STXBP5L: variants seen among roughly 807,000 people sequenced by gnomAD.
The protein encoded by STXBP5L is syntaxin-binding protein 5-like.
A neutral mutation model predicts 144.5 loss-of-function variants in STXBP5L; 65 were observed. The observed-to-expected ratio is 0.45, with a 90% CI of 0.37 to 0.55. STXBP5L has a LOEUF of 0.55. STXBP5L is among the 20% of genes least tolerant of loss of function. The probability of loss-of-function intolerance (pLI) is 0.00; values close to 1 mark genes in which losing one functional copy is unlikely to be tolerated. For missense variants in STXBP5L, 1,298 were observed against 1,405.5 expected (o/e 0.92, Z 1.22); for synonymous variants, 505 against 469.6 (o/e 1.08, Z -0.97).
In STXBP5L at chr3:121,378,984, G is replaced by A. The variant is rs553759654; in HGVS notation, c.2347+98G>A. 3.2e-5 allele frequency: 41 copies of A among 1,270,556 alleles called. No individual in the cohort carries two copies. In the South Asian group the frequency reaches 6.0e-4, roughly 19 times the overall value. The allele number at this position is 1,270,556 out of a possible 1,614,324, so 78.7% of individuals were successfully genotyped here. On this transcript the variant is annotated intron_variant, in intron 21 of 26. Transcript: ENST00000471454. ...GGGATGGAGATCACATATGAAAGAT[G>A]TTAAAAAACTACTAATCAGTGAATA...
rs115919356 is a variant in STXBP5L at position 121,065,206 on chromosome 3, G to C, written c.470+19671G>C. On this transcript the variant is annotated intron_variant, in intron 5 of 26. Coordinates refer to ENST00000471454, the MANE Select transcript of STXBP5L (RefSeq NM_001308330.2). ...GAATACTGCTGTACTAAACATATGA[G>C]GGCAGATGACATTTTGGTAGAATGA... Among the ~76,000 whole-genome samples the C allele has an allele frequency of 7.9e-3, 1,202 of 152,174 alleles. 20 individuals are homozygous for C. The highest frequency in any genetic ancestry group is 0.027 in the African/African-American group (1,124 of 41,520).
At chr3:121,082,432 G>T (rs2042293905) in intron 5 of STXBP5L, among the ~76,000 whole-genome samples, 1 of 151,978 alleles carries the variant, frequency 6.6e-6, no homozygotes, top group Non-Finnish European at 1.5e-5. Flanking sequence ...ATTAATTTTT[G>T]TTGACTTTGT....
chr3:121,294,392 G>T (rs2051565967), intron 19 of STXBP5L, among the ~76,000 whole-genome samples: 1 of 152,206 alleles, frequency 6.6e-6, no homozygotes, highest in South Asian at 2.1e-4. Flanking sequence ...CTTGAGATAG[G>T]AGGGGGCATG....
intron 3 of STXBP5L, among the ~76,000 whole-genome samples, chr3:121,016,358 A>G (rs73187415): frequency 1.3e-5 from 2 of 152,330 alleles, no homozygotes; most frequent in Non-Finnish European, 2.9e-5. Flanking sequence ...ATTAGACAAA[A>G]TGTATACAGG....
chr3:121,080,107 G>A (rs1157859544), intron 5 of STXBP5L, among the ~76,000 whole-genome samples: 1 of 151,824 alleles, frequency 6.6e-6, no homozygotes, highest in East Asian at 1.9e-4. Context: ...AACTGTTATT[G>A]TTTTAAAGTC....
At chr3:121,152,945 C>A (rs2045981656) in intron 8 of STXBP5L, among the ~76,000 whole-genome samples, 1 of 152,064 alleles carries the variant, frequency 6.6e-6, no homozygotes, top group South Asian at 2.1e-4. Flanking sequence ...TCTAAAGACA[C>A]TATTCACACC....
rs181407254 is a variant in STXBP5L, at chr3:121,045,819, A to T, written c.470+284A>T. Among the ~76,000 whole-genome samples, 357 of 150,492 alleles carry T rather than the reference A, an allele frequency of 2.4e-3. 5 individuals are homozygous for T. Among genetic ancestry groups the T allele is most frequent in the African/African-American group, 8.3e-3 (342 of 41,154 alleles). ...ATTATCTTCAAAGAGAGATAATTTG[A>T]CTTCCTTTCTTCCTATTAATATTTA... On this transcript the variant is annotated intron_variant, in intron 5 of 26. Transcript: ENST00000471454.
intron 7 of STXBP5L, among the ~76,000 whole-genome samples, chr3:121,129,872 G>A (rs1021547056): frequency 2.6e-5 from 4 of 151,950 alleles, no homozygotes; most frequent in South Asian, 2.1e-4. Flanking sequence ...AGATCCAGGG[G>A]CCTGTACCAG....
intron 20 of STXBP5L, among the ~76,000 whole-genome samples, chr3:121,345,986 G>T (rs2108596271): frequency 6.6e-6 from 1 of 151,504 alleles, no homozygotes; most frequent in Non-Finnish European, 1.5e-5. Context: ...TAAGTTTTAG[G>T]GTACGTGTGC....
At chr3:121,259,948 A>G (rs546372804) in intron 18 of STXBP5L, among the ~76,000 whole-genome samples, 1 of 152,060 alleles carries the variant, frequency 6.6e-6, no homozygotes, top group African/African-American at 2.4e-5. Flanking sequence ...TCAAGCAGAC[A>G]TCAGGTCTTT....
intron 3 of STXBP5L, among the ~76,000 whole-genome samples, chr3:120,960,929 C>T (rs1490062045): frequency 6.6e-6 from 1 of 151,308 alleles, no homozygotes; most frequent in East Asian, 1.9e-4. Flanking sequence ...AGGAATTCAG[C>T]CATGATACTA....
chr3:121,138,442 A>G (rs965503549), intron 7 of STXBP5L, among the ~76,000 whole-genome samples: 9 of 152,178 alleles, frequency 5.9e-5, no homozygotes, highest in African/African-American at 2.2e-4. Flanking sequence ...GAGACTCTAA[A>G]TAACCAAAGC....
intron 19 of STXBP5L, among the ~76,000 whole-genome samples, chr3:121,313,182 A>C (rs1577429326): frequency 4.2e-5 from 5 of 119,924 alleles, no homozygotes; most frequent in African/African-American, 1.0e-4. Context: ...GGCGCCCCTC[A>C]CCTCCCGGAC....
intron 2 of STXBP5L, among the ~76,000 whole-genome samples, chr3:120,934,649 T>C (rs1049852241): frequency 1.3e-5 from 2 of 152,098 alleles, no homozygotes; most frequent in Non-Finnish European, 2.9e-5. Context: ...CTATTAGTTT[T>C]TGCTTTACGT....
intron 3 of STXBP5L, among the ~76,000 whole-genome samples, chr3:121,027,884 C>T (rs900450988): frequency 2.0e-5 from 3 of 152,050 alleles, no homozygotes; most frequent in African/African-American, 7.2e-5. Flanking sequence ...TTTTATTCTT[C>T]ACCTTTCCTT....
Position 121,250,757 on chromosome 3 carries a change from T to A in STXBP5L, c.1435T>A (p.Ser479Thr). Residue 479 changes from serine (S) to threonine (T), a missense_variant, in exon 15 of 27, where the codon TCT becomes ACT. Physicochemically the swap from Ser to Thr is moderately conservative, Grantham distance 58. Coordinates refer to ENST00000471454, the MANE Select transcript of STXBP5L (RefSeq NM_001308330.2). The stretch of plus-strand genomic sequence containing the variant: ...TGGATCAATAAAATTTTGGGATGCT[T>A]CTGCAAGTAAGTTTCAAGTTTCTGT... ...ADGSIKFWDASAITLQMLYKL... is the reference protein window; with the variant it reads ...ADGSIKFWDATAITLQMLYKL... The A allele has an allele frequency of 6.2e-7, 1 of 1,609,314 alleles. No individual in the cohort carries two copies.
At chr3:121,207,652 C>T (rs1472674393) in intron 10 of STXBP5L, among the ~76,000 whole-genome samples, 3 of 151,980 alleles carry the variant, frequency 2.0e-5, no homozygotes, top group African/African-American at 7.2e-5. Flanking sequence ...ATCAAACAAC[C>T]CCATCAAAAA....
intron 19 of STXBP5L, among the ~76,000 whole-genome samples, chr3:121,304,080 A>C (rs933469829): frequency 3.9e-5 from 6 of 152,108 alleles, no homozygotes; most frequent in African/African-American, 1.4e-4. Flanking sequence ...CCATGAAAAC[A>C]CTATCCCCAA....
At chr3:121,034,967 A>G (rs1355612283) in intron 3 of STXBP5L, among the ~76,000 whole-genome samples, 2 of 152,142 alleles carry the variant, frequency 1.3e-5, no homozygotes, top group Non-Finnish European at 2.9e-5. Flanking sequence ...TCTAATGAAT[A>G]GTGTTGTAGA....
Sources: allele counts gnomAD v4.1 joint callset (sites outside exome capture counted in the v4.1 genomes callset), GRCh38; gene constraint gnomAD v4.1.1; transcripts MANE v1.5; gene names NCBI Gene and HGNC (gene_info 2026-07-23, HGNC 2026-07-21).